SHANK2: variants seen among roughly 807,000 people sequenced by gnomAD.
SHANK2 encodes SH3 and multiple ankyrin repeat domains protein 2.
Under a neutral mutation model 133.7 loss-of-function variants are expected in SHANK2, and 43 were observed. That is an observed-to-expected ratio of 0.32 (90% CI 0.25 to 0.41). The LOEUF (loss-of-function observed/expected upper bound fraction) is 0.41. SHANK2 is among the 10% of genes least tolerant of loss of function. The pLI, the probability that SHANK2 is intolerant of heterozygous loss-of-function variation, is 1.00. For missense variants in SHANK2, 1,994 were observed against 2,235.8 expected (o/e 0.89, Z 2.18); for synonymous variants, 1,017 against 952.8 (o/e 1.07, Z -1.24).
intron 12 of SHANK2, among the ~76,000 whole-genome samples, chr11:70,817,582 G>T (rs1267345197): frequency 6.6e-6 from 1 of 152,196 alleles, no homozygotes; most frequent in African/African-American, 2.4e-5. Flanking sequence ...AGGTGACAAA[G>T]GGGACAGTCT....
intron 2 of SHANK2, among the ~76,000 whole-genome samples, chr11:71,182,194 T>C (rs1212149667): frequency 1.3e-5 from 2 of 151,982 alleles, no homozygotes; most frequent in Non-Finnish European, 2.9e-5. Context: ...TTCCCATGCC[T>C]GTAAGTAGCA....
intron 9 of SHANK2, among the ~76,000 whole-genome samples, chr11:71,059,428 G>A (rs1950961433): frequency 6.6e-6 from 1 of 152,174 alleles, no homozygotes; most frequent in Admixed American, 6.5e-5. Context: ...GCACAACTCT[G>A]TGGACAGACC....
chr11:71,115,329 C>A (rs1555100133), intron 4 of SHANK2, among the ~76,000 whole-genome samples: 1 of 152,000 alleles, frequency 6.6e-6, no homozygotes, highest in Non-Finnish European at 1.5e-5. Context: ...ATTAGCTGGG[C>A]GTGGTGGTGG....
At chr11:70,547,485 T>C (rs1253424114) in intron 17 of SHANK2, among the ~76,000 whole-genome samples, 1 of 151,816 alleles carries the variant, frequency 6.6e-6, no homozygotes, top group African/African-American at 2.4e-5. Flanking sequence ...GGTTTCAAAC[T>C]CCTGACCTTG....
At chr11:71,242,033 C>T (rs1299162109) in intron 1 of SHANK2, among the ~76,000 whole-genome samples, 1 of 152,180 alleles carries the variant, frequency 6.6e-6, no homozygotes, top group African/African-American at 2.4e-5. Context: ...GGCCCATCCA[C>T]ACAATGGAAT....
intron 16 of SHANK2, among the ~76,000 whole-genome samples, chr11:70,661,033 C>T (rs1282323478): frequency 6.6e-6 from 1 of 152,232 alleles, no homozygotes; most frequent in African/African-American, 2.4e-5. Flanking sequence ...CGACGGGCCA[C>T]GTAACGTGTG....
intron 11 of SHANK2, among the ~76,000 whole-genome samples, chr11:70,892,455 C>T (rs1272839765): frequency 6.6e-6 from 1 of 152,162 alleles, no homozygotes; most frequent in African/African-American, 2.4e-5. Context: ...TCTATGAAGC[C>T]TCCCCAGCCT....
intron 2 of SHANK2, among the ~76,000 whole-genome samples, chr11:71,173,380 G>A (rs909398301): frequency 2.0e-5 from 3 of 152,236 alleles, no homozygotes; most frequent in Non-Finnish European, 4.4e-5. Context: ...CCTCCAGGCA[G>A]GGTGGCTGCT....
intron 2 of SHANK2, among the ~76,000 whole-genome samples, chr11:71,182,074 G>C (rs781985015): frequency 9.9e-5 from 15 of 151,996 alleles, no homozygotes; most frequent in Non-Finnish European, 1.6e-4. Context: ...AGGAGGAACA[G>C]AAATCTGCTT....
chr11:70,688,865 C>A (rs1447505897), intron 15 of SHANK2, among the ~76,000 whole-genome samples: 2 of 152,232 alleles, frequency 1.3e-5, no homozygotes, highest in African/African-American at 4.8e-5. Flanking sequence ...ACCTGGCCAC[C>A]TGTGCAACTC....
At chr11:70,948,807 C>G (rs1950792107) in intron 10 of SHANK2, among the ~76,000 whole-genome samples, 1 of 152,226 alleles carries the variant, frequency 6.6e-6, no homozygotes, top group Admixed American at 6.5e-5. Flanking sequence ...TCAAGAGAAG[C>G]TGGAAAGCTG....
At chr11:70,775,587 ACT>A (rs1317054643) in intron 14 of SHANK2, among the ~76,000 whole-genome samples, 1 of 152,116 alleles carries the variant, frequency 6.6e-6, no homozygotes, top group Non-Finnish European at 1.5e-5. Context: ...CCAATCCACC[ACT>A]CGCGGCCATG....
intron 17 of SHANK2, among the ~76,000 whole-genome samples, chr11:70,518,325 A>G (rs571910700): frequency 7.2e-5 from 11 of 152,306 alleles, no homozygotes; most frequent in Admixed American, 2.6e-4. Context: ...GGATCACACC[A>G]CTGTACTCCA....
intron 17 of SHANK2, chr11:70,630,992 G>C (rs2060977665): frequency 1.3e-5 from 2 of 152,320 alleles, no homozygotes; most frequent in Non-Finnish European, 2.9e-5. Flanking sequence ...GGACCGGACA[G>C]GGAGCAACTG....
intron 3 of SHANK2, among the ~76,000 whole-genome samples, chr11:71,145,766 G>GC (rs1952630847): frequency 6.6e-6 from 1 of 151,494 alleles, no homozygotes; most frequent in African/African-American, 2.4e-5. Flanking sequence ...CAGCACTTGG[G>GC]CCCCCCTTCC....
At chr11:71,239,630 C>G (rs1954864253) in intron 1 of SHANK2, among the ~76,000 whole-genome samples, 2 of 151,812 alleles carry the variant, frequency 1.3e-5, no homozygotes, top group Non-Finnish European at 2.9e-5. Flanking sequence ...CCAGCTAATA[C>G]TTGTTTTTTG....
intron 17 of SHANK2, among the ~76,000 whole-genome samples, chr11:70,622,849 C>T (rs1229508512): frequency 2.6e-5 from 4 of 151,900 alleles, no homozygotes. Flanking sequence ...CTGCTCCCTG[C>T]CACAAACCCT....
intron 14 of SHANK2, among the ~76,000 whole-genome samples, chr11:70,704,259 T>TA (rs1180733257): frequency 2.0e-5 from 3 of 152,208 alleles, no homozygotes; most frequent in Admixed American, 2.0e-4. Flanking sequence ...CTTGGTGGTA[T>TA]AAAAAAACTT....
At position 70,917,325 on chromosome 11, in the gene SHANK2, C is replaced by T. The variant is rs144287863; in HGVS notation, c.1108-20758G>A. Among the ~76,000 whole-genome samples, 692 of 152,250 alleles carry T rather than the reference C, an allele frequency of 4.5e-3. 5 individuals are homozygous for T. The highest frequency in any genetic ancestry group is 0.016 in the African/African-American group (668 of 41,538). On this transcript the variant is annotated intron_variant, in intron 10 of 25. Coordinates refer to ENST00000601538, the MANE Select transcript of SHANK2 (RefSeq NM_012309.5). ...AACCAGAATAAGATACCATCTCATG[C>T]CAGTCAGAATGGCTATTATTAAAAA...
Sources: allele counts gnomAD v4.1 joint callset (sites outside exome capture counted in the v4.1 genomes callset), GRCh38; gene constraint gnomAD v4.1.1; transcripts MANE v1.5; gene names NCBI Gene and HGNC (gene_info 2026-07-23, HGNC 2026-07-21).